SLC25A48: variants seen among roughly 807,000 people sequenced by gnomAD.
SLC25A48 encodes the protein CTC-321K16.1.
In SLC25A48, 29 loss-of-function variants were observed where a neutral mutation model predicts 32.2. That is an observed-to-expected ratio of 0.90 (90% CI 0.67 to 1.23). SLC25A48 has a LOEUF of 1.23. Among genes scored for constraint, SLC25A48 ranks in the 50% most tolerant of loss-of-function variants. The pLI is 0.00. For missense variants in SLC25A48, 399 were observed against 422.7 expected, an observed-to-expected ratio of 0.94 and a Z score of 0.49; for synonymous variants, 164 against 172.3, an observed-to-expected ratio of 0.95 and a Z score of 0.38.
intron 1 of SLC25A48, among the ~76,000 whole-genome samples, chr5:135,603,878 A>G (rs369289559): frequency 9.2e-6 from 1 of 108,840 alleles, no homozygotes; most frequent in East Asian, 2.5e-4. Flanking sequence ...TGGGAGGTGG[A>G]GGGTGGTGAG....
At chr5:135,582,431 T>A (rs973216913) in intron 1 of SLC25A48, among the ~76,000 whole-genome samples, 1 of 151,924 alleles carries the variant, frequency 6.6e-6, no homozygotes, top group African/African-American at 2.4e-5. Flanking sequence ...CATCAGGGGA[T>A]CTGACAGGGT....
chr5:135,814,345 C>T (rs1478271843), intron 4 of SLC25A48, among the ~76,000 whole-genome samples: 1 of 152,210 alleles, frequency 6.6e-6, no homozygotes, highest in African/African-American at 2.4e-5. Flanking sequence ...CTGATCACTC[C>T]AGCCTTTGCT....
At chr5:135,814,755 C>T (rs964583929) in intron 4 of SLC25A48, among the ~76,000 whole-genome samples, 2 of 152,210 alleles carry the variant, frequency 1.3e-5, no homozygotes, top group African/African-American at 4.8e-5. Context: ...AAACTGTTTC[C>T]TTGGCACAGT....
intron 3 of SLC25A48, among the ~76,000 whole-genome samples, chr5:135,723,362 ACT>A (rs1159449010): frequency 0.012 from 1,059 of 86,974 alleles, 11 homozygotes; most frequent in African/African-American, 0.034. Context: ...TCTGTCTCTC[ACT>A]CTCTCTCTCT....
chr5:135,651,550 AG>A (rs1753113887), intron 3 of SLC25A48, among the ~76,000 whole-genome samples: 1 of 152,152 alleles, frequency 6.6e-6, no homozygotes, highest in African/African-American at 2.4e-5. Context: ...TCCCAGCCCT[AG>A]TGGGAGGAAG....
At chr5:135,857,020 C>G (rs943779219) in intron 4 of SLC25A48, among the ~76,000 whole-genome samples, 47 of 152,208 alleles carry the variant, frequency 3.1e-4, no homozygotes, top group African/African-American at 1.1e-3. Context: ...GGCACCTTGT[C>G]CCTGGAAGGG....
chr5:135,585,244 C>T (rs985266277), intron 1 of SLC25A48, among the ~76,000 whole-genome samples: 3 of 152,224 alleles, frequency 2.0e-5, no homozygotes, highest in African/African-American at 4.8e-5. Context: ...CCTCTCTCAC[C>T]AGCCCTGTTC....
intron 6 of SLC25A48, among the ~76,000 whole-genome samples, chr5:135,877,159 C>G (rs1376462582): frequency 6.6e-6 from 1 of 152,082 alleles, no homozygotes; most frequent in Non-Finnish European, 1.5e-5. Flanking sequence ...CGAGGCATCC[C>G]CAAGTAGAAA....
At chr5:135,751,949 C>A (rs1755780835) in intron 3 of SLC25A48, among the ~76,000 whole-genome samples, 1 of 152,094 alleles carries the variant, frequency 6.6e-6, no homozygotes, top group Non-Finnish European at 1.5e-5. Flanking sequence ...GGTATTGGAA[C>A]AATTGGATAT....
intron 3 of SLC25A48, among the ~76,000 whole-genome samples, chr5:135,812,043 C>T (rs1296734218): frequency 2.6e-5 from 4 of 152,098 alleles, no homozygotes; most frequent in African/African-American, 7.2e-5. Flanking sequence ...GCCCGCACCA[C>T]TGCATTCCAG....
At chr5:135,707,650 C>T (rs1290874363) in intron 3 of SLC25A48, among the ~76,000 whole-genome samples, 1 of 152,204 alleles carries the variant, frequency 6.6e-6, no homozygotes, top group African/African-American at 2.4e-5. Flanking sequence ...GTCCTTGCTC[C>T]AACATCACTC....
intron 3 of SLC25A48, among the ~76,000 whole-genome samples, chr5:135,756,667 G>A (rs755963227): frequency 2.0e-5 from 3 of 151,876 alleles, no homozygotes; most frequent in Non-Finnish European, 2.9e-5. Flanking sequence ...GTGGAACTCC[G>A]TCTCAAAACA....
At chr5:135,872,953 G>C (rs559119315) in intron 5 of SLC25A48, among the ~76,000 whole-genome samples, 2 of 152,200 alleles carry the variant, frequency 1.3e-5, no homozygotes, top group Non-Finnish European at 2.9e-5. Flanking sequence ...AGTCAGTACC[G>C]ACTGGCAGAG....
chr5:135,790,623 T>G (rs1418202229), intron 3 of SLC25A48, among the ~76,000 whole-genome samples: 1 of 151,954 alleles, frequency 6.6e-6, no homozygotes, highest in Non-Finnish European at 1.5e-5. Context: ...GGCGAGATGT[T>G]ACATTTAATG....
At chr5:135,680,845 A>AT (rs1184113327) in intron 3 of SLC25A48, among the ~76,000 whole-genome samples, 2 of 152,112 alleles carry the variant, frequency 1.3e-5, no homozygotes, top group Non-Finnish European at 2.9e-5. Context: ...TCTTTAAGCA[A>AT]TTTTTTGTCC....
At chr5:135,821,337 G>A (rs192736297) in intron 4 of SLC25A48, among the ~76,000 whole-genome samples, 25 of 152,324 alleles carry the variant, frequency 1.6e-4, no homozygotes, top group Non-Finnish European at 3.2e-4. Flanking sequence ...TGACTGGAGA[G>A]GAGCCACAGA....
chr5:135,705,858 C>G (rs1281139206), intron 3 of SLC25A48, among the ~76,000 whole-genome samples: 3 of 152,116 alleles, frequency 2.0e-5, no homozygotes, highest in African/African-American at 7.2e-5. Flanking sequence ...GGTGGCTGGT[C>G]CCCATGGCAA....
At chr5:135,594,119 G>A (rs538424894) in intron 1 of SLC25A48, among the ~76,000 whole-genome samples, 5 of 152,196 alleles carry the variant, frequency 3.3e-5, no homozygotes, top group Admixed American at 6.5e-5. Context: ...TCTCAAACAC[G>A]GTGACTTTAG....
At chr5:135,672,179 G>T (rs1753671026) in intron 3 of SLC25A48, among the ~76,000 whole-genome samples, 1 of 152,196 alleles carries the variant, frequency 6.6e-6, no homozygotes, top group South Asian at 2.1e-4. Flanking sequence ...TCGGAAACTT[G>T]TATGTAACCC....
Sources: gnomAD v4.1 joint callset for allele counts (sites outside exome capture counted in the v4.1 genomes callset) on GRCh38, gnomAD v4.1.1 for gene constraint, MANE v1.5 for transcripts, NCBI Gene and HGNC (gene_info 2026-07-23, HGNC 2026-07-21) for gene names.